RIMBP2: variants seen among roughly 807,000 people sequenced by gnomAD.
RIMBP2 encodes RIMS binding protein 2.
In RIMBP2, 48 loss-of-function variants were observed where a neutral mutation model predicts 118.6. That is an observed-to-expected ratio of 0.40 (90% confidence interval 0.32 to 0.51). The LOEUF (loss-of-function observed/expected upper bound fraction) is 0.51. Ranked by LOEUF, RIMBP2 falls within the 20% of genes least tolerant of loss-of-function variation. The probability of loss-of-function intolerance (pLI) is 0.41; values close to 1 mark genes in which losing one functional copy is unlikely to be tolerated. For missense variants in RIMBP2, 1,551 were observed against 1,768.3 expected (o/e 0.88, Z 2.20); for synonymous variants, 762 against 742.9 (o/e 1.03, Z -0.42).
chr12:130,422,577 C>T lies in RIMBP2; in HGVS notation c.3130-16G>A, dbSNP rs1220749064. The T allele has an allele frequency of 5.7e-6, 9 of 1,567,748 alleles. No homozygotes were observed. The highest frequency in any genetic ancestry group is 7.8e-6 in the Non-Finnish European group (9 of 1,147,544). On this transcript the variant is annotated splice_polypyrimidine_tract_variant and intron_variant, in intron 16 of 22. Transcript: ENST00000690449. This position sits in a 1 kb window ranked among gnomAD's most constrained non-coding sequence, Gnocchi z 5.2. Reference sequence around the variant, plus strand: ...TCCCTAAAATCTAAAGACAAAACAACAACAAAGTCGTAAGTCTCGCCAGCA... The same window carrying T: ...TCCCTAAAATCTAAAGACAAAACAATAACAAAGTCGTAAGTCTCGCCAGCA...
intron 4 of RIMBP2, among the ~76,000 whole-genome samples, chr12:130,484,758 A>T (rs2082339314): frequency 6.6e-6 from 1 of 152,208 alleles, no homozygotes; most frequent in South Asian, 2.1e-4. Context: ...AGGTTGGGGG[A>T]AAAGTGCTTC....
At chr12:130,532,485 G>A (rs1178674938) in intron 2 of RIMBP2, among the ~76,000 whole-genome samples, 40 of 145,388 alleles carry the variant, frequency 2.8e-4, no homozygotes, top group South Asian at 6.7e-4. Flanking sequence ...TAGGAGTTAC[G>A]TCTAATGAGA....
chr12:130,570,763 G>A (rs1015776533), intron 2 of RIMBP2, among the ~76,000 whole-genome samples: 2 of 152,200 alleles, frequency 1.3e-5, no homozygotes, highest in East Asian at 1.9e-4. Flanking sequence ...AGTGTTAAGC[G>A]CAACATCAGT....
chr12:130,641,313 G>A (rs11061047), intron 1 of RIMBP2, among the ~76,000 whole-genome samples: 67,500 of 92,102 alleles, frequency 0.73, 26,715 homozygotes, highest in Admixed American at 0.86. Context: ...CCGGACACTC[G>A]GCCCGGCATC....
intron 21 of RIMBP2, among the ~76,000 whole-genome samples, chr12:130,400,072 C>G (rs901285679): frequency 6.6e-6 from 1 of 152,138 alleles, no homozygotes; most frequent in African/African-American, 2.4e-5. Flanking sequence ...GCCAAAGAGC[C>G]CCTGGGATTC....
chr12:130,620,430 G>C lies in RIMBP2; in HGVS notation c.-217+7892C>G, dbSNP rs1280653274. Among the ~76,000 whole-genome samples the C allele has an allele frequency of 1.3e-5, 2 of 152,310 alleles. No individual in the cohort carries two copies. Among genetic ancestry groups the C allele is most frequent in the East Asian group, 1.9e-4 (1 of 5,168 alleles). On this transcript the variant is annotated intron_variant, in intron 2 of 22. Transcript: ENST00000690449. The surrounding 1 kb of genome is among the most constrained non-coding windows in gnomAD (Gnocchi z 5.3). ...CTTCCCCTTTAGGTGGCCAGCACCA[G>C]GTTCTGCTGCGTGCAACCAGAGACC...
chr12:130,690,945 T>A (rs1201247318), intron 1 of RIMBP2, among the ~76,000 whole-genome samples: 1 of 151,946 alleles, frequency 6.6e-6, no homozygotes, highest in African/African-American at 2.4e-5. Flanking sequence ...GACGTCTTCC[T>A]CTCCCTCCCC....
At chr12:130,408,427 G>A (rs528669881) in intron 19 of RIMBP2, among the ~76,000 whole-genome samples, 6 of 152,314 alleles carry the variant, frequency 3.9e-5, no homozygotes, top group East Asian at 1.9e-4. Flanking sequence ...AGCAGCGGCC[G>A]TAGAGAAGAT....
intron 4 of RIMBP2, among the ~76,000 whole-genome samples, chr12:130,499,524 G>A (rs1447018990): frequency 6.6e-6 from 1 of 152,126 alleles, no homozygotes; most frequent in Non-Finnish European, 1.5e-5. Flanking sequence ...TAAGTGATCT[G>A]CTCCAAGTCA....
chr12:130,464,601 G>T lies in RIMBP2; in HGVS notation c.153+6092C>A, dbSNP rs540741069. Among the ~76,000 whole-genome samples the T allele has an allele frequency of 2.6e-5, 4 of 152,306 alleles. No individual in the cohort carries two copies. The South Asian group carries it at 8.3e-4, about 32-fold the overall frequency. ...ACTATGTGCTTGGCCCTGCCTGGGG[G>T]AGTCATGCATTGCTGCTGACTCAGA... On this transcript the variant is annotated intron_variant, in intron 6 of 22. Transcript: ENST00000690449.
intron 2 of RIMBP2, among the ~76,000 whole-genome samples, chr12:130,604,713 A>T (rs2060076524): frequency 2.3e-5 from 1 of 43,382 alleles, no homozygotes; most frequent in Non-Finnish European, 5.3e-5. Context: ...CCTCCCAAGT[A>T]GCTGGGACTA....
chr12:130,414,320 G>T lies in RIMBP2; in HGVS notation c.3239-14C>A. ...GCCCGTAATCGTCTGCGAGCAAGTG[G>T]GGGTGAAGAACAGAGCGGCAGTGAG... On this transcript the variant is annotated splice_polypyrimidine_tract_variant and intron_variant, in intron 17 of 22. Transcript: ENST00000690449. 1 of 1,569,064 alleles carries T rather than the reference G, an allele frequency of 6.4e-7. No homozygotes were observed. The highest frequency in any genetic ancestry group is 1.2e-5 in the South Asian group (1 of 82,684).
In RIMBP2 at chr12:130,417,329, G is replaced by A. The variant is rs146641138; in HGVS notation, c.3239-3023C>T. Among the ~76,000 whole-genome samples, 447 of 152,318 alleles carry A rather than the reference G, an allele frequency of 2.9e-3. 2 individuals carry two copies. The highest frequency in any genetic ancestry group is 6.2e-3 in the Admixed American group (95 of 15,308). On this transcript the variant is annotated intron_variant, in intron 17 of 22. Transcript: ENST00000690449. Reference sequence around the variant, plus strand: ...CACTGTTCACAATAGCAGGGACATGGAATCAACCTAGATGCTCATCAACAG... The same window carrying A: ...CACTGTTCACAATAGCAGGGACATGAAATCAACCTAGATGCTCATCAACAG...
At chr12:130,553,479 A>G (rs2056033823) in intron 2 of RIMBP2, among the ~76,000 whole-genome samples, 1 of 152,164 alleles carries the variant, frequency 6.6e-6, no homozygotes, top group African/African-American at 2.4e-5. Flanking sequence ...TTTGAATGCT[A>G]GGTGTTAAAT....
At chr12:130,611,751 A>G (rs1274432541) in intron 2 of RIMBP2, among the ~76,000 whole-genome samples, 2 of 152,002 alleles carry the variant, frequency 1.3e-5, no homozygotes, top group African/African-American at 4.8e-5. Context: ...TCGGTTGTAC[A>G]CCTGACAAAC....
intron 4 of RIMBP2, among the ~76,000 whole-genome samples, chr12:130,490,953 C>G (rs1374757127): frequency 6.6e-6 from 1 of 152,126 alleles, no homozygotes; most frequent in Admixed American, 6.5e-5. Flanking sequence ...TCCCGAGCCC[C>G]CTGTGTGTAG....
In RIMBP2 at chr12:130,551,835, C is replaced by T. The variant is rs187983362; in HGVS notation, c.-216-33918G>A. Among the ~76,000 whole-genome samples, 9 of 152,346 alleles carry T rather than the reference C, an allele frequency of 5.9e-5. No individual in the cohort carries two copies. In the East Asian group the frequency reaches 1.7e-3, roughly 29 times the overall value. ...TAATTCTTTTCCACAAAGGGGCCTT[C>T]CAGTCATCCCACAGAAGTGGATTCC... is the stretch of plus-strand genomic sequence containing the variant. On this transcript the variant is annotated intron_variant, in intron 2 of 22. Transcript: ENST00000690449.
chr12:130,664,457 GCACGCACA>G lies in RIMBP2; in HGVS notation c.-351-36009_-351-36002del, dbSNP rs375569894. 2.1e-3 allele frequency among the ~76,000 whole-genome samples: 127 copies of G among 60,548 alleles called. 2 individuals carry two copies. The highest frequency in any genetic ancestry group is 9.8e-3 in the Middle Eastern group (1 of 102). 39.7% of individuals were successfully genotyped at this position (60,548 alleles called of 152,430 possible). ...CATGCACGCACACACGCACACACATGCACGCACACACACGCACGCACACGCATCACACA... is the reference window on the plus strand; with the variant it reads ...CATGCACGCACACACGCACACACATGCACACGCACGCACACGCATCACACA... On this transcript the variant is annotated intron_variant, in intron 1 of 22. Coordinates refer to ENST00000690449, the MANE Select transcript of RIMBP2 (RefSeq NM_001393629.1).
chr12:130,659,292 C>G (rs1490633922), intron 1 of RIMBP2, among the ~76,000 whole-genome samples: 1 of 152,074 alleles, frequency 6.6e-6, no homozygotes, highest in Non-Finnish European at 1.5e-5. Context: ...TTAATGTCGG[C>G]CGGGTGCGGT....
Sources: gnomAD v4.1 joint callset for allele counts (sites outside exome capture counted in the v4.1 genomes callset) on GRCh38, gnomAD v4.1.1 for gene constraint, Gnocchi (gnomAD v3.1) non-coding constraint, MANE v1.5 for transcripts, NCBI Gene and HGNC (gene_info 2026-07-23, HGNC 2026-07-21) for gene names.